RTTN: variants seen among roughly 807,000 people sequenced by gnomAD.
The protein encoded by RTTN is rotatin.
A neutral mutation model predicts 269.2 loss-of-function variants in RTTN; 182 were observed. The observed-to-expected ratio is 0.68, with a 90% CI of 0.60 to 0.76. The LOEUF (loss-of-function observed/expected upper bound fraction) is 0.76, where lower values mean the gene tolerates loss of function less well. Ranked by LOEUF, RTTN falls within the 30% of genes least tolerant of loss-of-function variation. RTTN has a pLI of 0.00. For synonymous variants in RTTN, 1,006 were observed against 963.5 expected, an observed-to-expected ratio of 1.04 and a Z score of -0.82; for missense variants, 2,545 against 2,608.6, an observed-to-expected ratio of 0.98 and a Z score of 0.53.
At chr18:70,194,269 GACT>G (rs1309557570) in intron 7 of RTTN, 4 of 152,138 alleles carry the variant, frequency 2.6e-5, no homozygotes, top group African/African-American at 9.7e-5. Flanking sequence ...CTACTAGGAT[GACT>G]ACGATTATTT....
At chr18:70,112,924 A>C (rs2059510554) in intron 27 of RTTN, among the ~76,000 whole-genome samples, 1 of 152,232 alleles carries the variant, frequency 6.6e-6, no homozygotes, top group East Asian at 1.9e-4. Flanking sequence ...GAAGTAAAAC[A>C]CTCCTCAGCA....
intron 11 of RTTN, 82 bp from the exon 12 acceptor site, chr18:70,169,149 T>A: frequency 4.1e-6 from 4 of 965,182 alleles, no homozygotes; most frequent in Non-Finnish European, 5.8e-6. Flanking sequence ...GCTATAGTCT[T>A]AATCTAATCC....
intron 7 of RTTN, among the ~76,000 whole-genome samples, chr18:70,195,346 A>G (rs2061778443): frequency 6.6e-6 from 1 of 152,206 alleles, no homozygotes; most frequent in Non-Finnish European, 1.5e-5. Flanking sequence ...TGTTTACCCA[A>G]CCACGTTGTG....
intron 39 of RTTN, among the ~76,000 whole-genome samples, chr18:70,050,172 C>T (rs1329068343): frequency 1.3e-5 from 2 of 152,056 alleles, no homozygotes; most frequent in Non-Finnish European, 2.9e-5. Context: ...GTAATCTATC[C>T]ATCTGACAAA....
intron 40 of RTTN, chr18:70,031,314 G>T (rs1346982372): frequency 7.5e-6 from 3 of 401,288 alleles, no homozygotes; most frequent in African/African-American, 6.2e-5. Flanking sequence ...TATTAAAATG[G>T]GTCCTTGTAA....
At chr18:70,158,156 T>C (rs1157792220) in intron 14 of RTTN, among the ~76,000 whole-genome samples, 1 of 151,716 alleles carries the variant, frequency 6.6e-6, no homozygotes, top group African/African-American at 2.4e-5. Context: ...CATCAGATTC[T>C]CCAAGGTCAA....
intron 45 of RTTN, among the ~76,000 whole-genome samples, chr18:70,017,912 T>C (rs1405367441): frequency 6.6e-6 from 1 of 152,186 alleles, no homozygotes; most frequent in Non-Finnish European, 1.5e-5. Flanking sequence ...ATGGATGAAG[T>C]ATACTATAGT....
At chr18:70,034,950 C>G (rs891740380) in intron 40 of RTTN, among the ~76,000 whole-genome samples, 2 of 151,526 alleles carry the variant, frequency 1.3e-5, no homozygotes, top group African/African-American at 4.8e-5. Flanking sequence ...CAACTGCCAC[C>G]AAAACAAAAC....
At chr18:70,205,036 C>A in intron 2 of RTTN, 92 bp downstream of exon 2, 1 of 1,310,094 alleles carries the variant, frequency 7.6e-7, no homozygotes, top group Non-Finnish European at 1.1e-6. Context: ...ACTTTTAACC[C>A]CAATTATTTA....
intron 40 of RTTN, among the ~76,000 whole-genome samples, chr18:70,032,664 T>C (rs937528820): frequency 6.6e-5 from 10 of 152,186 alleles, no homozygotes; most frequent in East Asian, 1.9e-4. Flanking sequence ...CACAGAAACA[T>C]CCAGATTCAT....
chr18:70,139,562 G>A, intron 21 of RTTN, 37 bp downstream of exon 21: 1 of 1,263,174 alleles, frequency 7.9e-7, no homozygotes. Flanking sequence ...TAAAATTTAA[G>A]AACAATCTAA....
intron 28 of RTTN, 91 bp downstream of exon 28, chr18:70,109,407 A>G (rs1484820454): frequency 1.1e-6 from 1 of 876,856 alleles, no homozygotes; most frequent in African/African-American, 1.7e-5. Flanking sequence ...AATATTCTAC[A>G]TTGAATAGAG....
At chr18:70,148,768 T>C (rs764202233) in intron 17 of RTTN, 133 bp downstream of exon 17, 23 of 1,028,886 alleles carry the variant, frequency 2.2e-5, no homozygotes, top group Non-Finnish European at 3.3e-5. Context: ...TTTCACGCAT[T>C]GGTTTCCTCT....
intron 30 of RTTN, among the ~76,000 whole-genome samples, chr18:70,089,232 G>A (rs2058778914): frequency 6.6e-6 from 1 of 152,168 alleles, no homozygotes; most frequent in South Asian, 2.1e-4. Flanking sequence ...ACAGTTAAAT[G>A]AGGTTATAAG....
intron 45 of RTTN, among the ~76,000 whole-genome samples, chr18:70,018,394 G>A (rs1192028195): frequency 6.6e-6 from 1 of 152,172 alleles, no homozygotes; most frequent in South Asian, 2.1e-4. Flanking sequence ...GCTGCATCAA[G>A]CTGCAGCCCA....
At chr18:70,047,850 CATA>C in intron 40 of RTTN, 118 bp downstream of exon 40, 1 of 757,884 alleles carries the variant, frequency 1.3e-6, no homozygotes, top group Non-Finnish European at 2.1e-6. Flanking sequence ...TTTAAACAGT[CATA>C]ATAAGCATTA....
chr18:70,148,864 T>A (rs1441492814), intron 17 of RTTN, 37 bp downstream of exon 17: 1 of 1,608,558 alleles, frequency 6.2e-7, no homozygotes, highest in Non-Finnish European at 8.5e-7. Flanking sequence ...CATGTTTCCA[T>A]CAATCTTTGA....
At chr18:70,065,956 T>TTACAGTACG in intron 34 of RTTN, 34 bp from the exon 35 acceptor site, 1 of 1,453,580 alleles carries the variant, frequency 6.9e-7, no homozygotes, top group Non-Finnish European at 9.4e-7. Flanking sequence ...CTTATTAATG[T>TTACAGTACG]TACAGTACGG....
chr18:70,176,824 A>G lies in RTTN; in HGVS notation c.1327T>C (p.Leu443=). 1.2e-6 allele frequency: 2 copies of G among 1,613,568 alleles called. No individual in the cohort carries two copies. The highest frequency in any genetic ancestry group is 1.7e-6 in the Non-Finnish European group (2 of 1,179,716). The change falls in exon 11 of 49, where the codon TTG becomes CTG. Residue 443 remains leucine (L), a synonymous_variant. Transcript: ENST00000640769. ...IDMKEKLLLV[L]GALGETMCYH... The stretch of plus-strand genomic sequence containing the variant: ...CACATGGTTTCTCCAAGGGCTCCCA[A>G]CACCAGGAGTAGTTTCTCCTTCTGA...
Sources: allele counts gnomAD v4.1 joint callset (sites outside exome capture counted in the v4.1 genomes callset), GRCh38; gene constraint gnomAD v4.1.1; transcripts MANE v1.5; gene names NCBI Gene and HGNC (gene_info 2026-07-23, HGNC 2026-07-21).